TFAP2D: variants seen among roughly 807,000 people sequenced by gnomAD.
TFAP2D encodes the protein transcription factor AP-2 delta.
TFAP2D carries 9 observed loss-of-function variants against 43.6 expected under a neutral mutation model. The observed-to-expected ratio is 0.21, with a 90% CI of 0.12 to 0.36. TFAP2D has a LOEUF of 0.36. Ranked by LOEUF, TFAP2D falls within the 10% of genes least tolerant of loss-of-function variation. The pLI, the probability that TFAP2D is intolerant of heterozygous loss-of-function variation, is 1.00. For synonymous variants in TFAP2D, 256 were observed against 224.9 expected, an observed-to-expected ratio of 1.14 and a Z score of -1.24; for missense variants, 513 against 561.4, an observed-to-expected ratio of 0.91 and a Z score of 0.87.
chr6:50,764,914 G>A (rs938462508), intron 7 of TFAP2D, among the ~76,000 whole-genome samples: 5 of 152,138 alleles, frequency 3.3e-5, no homozygotes, highest in South Asian at 2.1e-4. Flanking sequence ...CATTTTGGGT[G>A]TGTGTGGTGA....
At chr6:50,772,365 A>G (rs970324154) in intron 7 of TFAP2D, among the ~76,000 whole-genome samples, 2 of 152,190 alleles carry the variant, frequency 1.3e-5, no homozygotes, top group African/African-American at 4.8e-5. Flanking sequence ...CGTTGTGCAC[A>G]TGTACCCTAG....
At chr6:50,726,197 A>T (rs1768804730) in intron 3 of TFAP2D, among the ~76,000 whole-genome samples, 1 of 152,186 alleles carries the variant, frequency 6.6e-6, no homozygotes, top group Non-Finnish European at 1.5e-5. Flanking sequence ...CTTTCAACAC[A>T]TAAGGTTCAC....
intron 3 of TFAP2D, among the ~76,000 whole-genome samples, chr6:50,727,936 C>T (rs550598122): frequency 7.8e-4 from 119 of 152,078 alleles, no homozygotes; most frequent in Non-Finnish European, 1.5e-3. Context: ...TTTGGATCGT[C>T]AAGTCCTCTT....
chr6:50,771,537 T>G (rs908424354), intron 7 of TFAP2D, among the ~76,000 whole-genome samples: 1 of 152,232 alleles, frequency 6.6e-6, no homozygotes, highest in Non-Finnish European at 1.5e-5. Flanking sequence ...TCATGTGTAG[T>G]CTATGCCATA....
At chr6:50,764,891 C>T (rs189478405) in intron 7 of TFAP2D, among the ~76,000 whole-genome samples, 4 of 152,252 alleles carry the variant, frequency 2.6e-5, no homozygotes, top group Admixed American at 2.0e-4. Flanking sequence ...ACATCCATCA[C>T]CTCACATAGT....
At chr6:50,727,257 AG>A (rs1392637162) in intron 3 of TFAP2D, among the ~76,000 whole-genome samples, 2 of 152,320 alleles carry the variant, frequency 1.3e-5, no homozygotes, top group East Asian at 1.9e-4. Flanking sequence ...CAGAAGGTAC[AG>A]GGGTAGAAAT....
chr6:50,739,139 G>A (rs1339058981), intron 5 of TFAP2D, among the ~76,000 whole-genome samples: 1 of 152,138 alleles, frequency 6.6e-6, no homozygotes, highest in African/African-American at 2.4e-5. Flanking sequence ...TGTTACATAT[G>A]TATACATGTG....
In TFAP2D at chr6:50,715,747, T is replaced by TCACACACACACA. The variant is rs1450229346; in HGVS notation, c.537+135_537+136insACACACACACAC. On this transcript the variant is annotated intron_variant, in intron 2 of 7. Transcript: ENST00000008391. The stretch of plus-strand genomic sequence containing the variant: ...CTCTCTCTCTCTCTCTCTCTCTCTC[T>TCACACACACACA]CTCACACACACACACACACACACAC... 8 of 498,280 alleles carry TCACACACACACA rather than the reference T, an allele frequency of 1.6e-5. No individual in the cohort carries two copies. In the African/African-American group the frequency reaches 1.7e-4, roughly 11 times the overall value. The allele number at this position is 498,280 out of a possible 1,614,324, so 30.9% of individuals were successfully genotyped here.
chr6:50,757,343 G>GAGAATATATGTAATTATTCTATATAT (rs1769287416), intron 7 of TFAP2D, among the ~76,000 whole-genome samples: 1 of 134,964 alleles, frequency 7.4e-6, no homozygotes, highest in Non-Finnish European at 1.5e-5. Flanking sequence ...TATCTATATA[G>GAGAATATATGTAATTATTCTATATAT]AGAATATATG....
chr6:50,727,234 T>C (rs1768820459), intron 3 of TFAP2D, among the ~76,000 whole-genome samples: 1 of 152,160 alleles, frequency 6.6e-6, no homozygotes, highest in Admixed American at 6.5e-5. Flanking sequence ...CAAAAGACAG[T>C]CAGGAAGAAT....
rs143439828 is a variant in TFAP2D at position 50,751,902 on chromosome 6, G to C, written c.1139+578G>C. On this transcript the variant is annotated intron_variant, in intron 7 of 7. Transcript: ENST00000008391. ...GGAAAATTTTATATCTTTATGCATTGTTAGGAAATCATTACTTTACAAAAA... is the reference window on the plus strand; with the variant it reads ...GGAAAATTTTATATCTTTATGCATTCTTAGGAAATCATTACTTTACAAAAA... 2.1e-3 allele frequency among the ~76,000 whole-genome samples: 325 copies of C among 151,982 alleles called. 2 individuals carry two copies. The highest frequency in any genetic ancestry group is 7.4e-3 in the African/African-American group (309 of 41,500).
At position 50,728,875 on chromosome 6, in the gene TFAP2D, C is replaced by T. The variant is rs1258747454; in HGVS notation, c.618C>T (p.Asn206=). The T allele has an allele frequency of 5.0e-6, 8 of 1,613,976 alleles. No homozygotes were observed. Reference sequence around the variant, plus strand: ...CCCAAGGTGGCACCTGTGTGGTCAACCCCACAGACTTATTTTGCTCTGTCC... The same window carrying T: ...CCCAAGGTGGCACCTGTGTGGTCAATCCCACAGACTTATTTTGCTCTGTCC... ...VIRRGGTCVV[N]PTDLFCSVPG... The change falls in exon 4 of 8, where the codon AAC becomes AAT. Residue 206 remains asparagine (N), a synonymous_variant. Coordinates refer to ENST00000008391, the MANE Select transcript of TFAP2D (RefSeq NM_172238.4).
intron 5 of TFAP2D, among the ~76,000 whole-genome samples, chr6:50,738,371 A>C (rs1768991358): frequency 6.6e-6 from 1 of 152,060 alleles, no homozygotes. Flanking sequence ...AGGTCTTTGC[A>C]TGCAGAACTT....
chr6:50,740,527 G>A (rs904197811), intron 5 of TFAP2D, among the ~76,000 whole-genome samples: 4 of 152,200 alleles, frequency 2.6e-5, no homozygotes, highest in Admixed American at 6.5e-5. Flanking sequence ...TCCGCCTCCC[G>A]AGTTCAAGCA....
At position 50,772,751 on chromosome 6, in the gene TFAP2D, A is replaced by C; in HGVS notation, c.1246A>C (p.Lys416Gln). 1 of 1,614,144 alleles carries C rather than the reference A, an allele frequency of 6.2e-7. No homozygotes were observed. Among genetic ancestry groups the C allele is most frequent in the Non-Finnish European group, 8.5e-7 (1 of 1,180,012 alleles). The change falls in exon 8 of 8, where the codon AAG becomes CAG. Residue 416 changes from lysine (K) to glutamine (Q), a missense_variant. Transcript: ENST00000008391. The stretch of plus-strand genomic sequence containing the variant: ...CTACTTGGAAAAACACACTACTCAC[A>C]AGAACGGCGGAGCGGCGGATTCTGG... Reference protein sequence around the residue: ...LNYLEKHTTHKNGGAADSGQG... With the variant: ...LNYLEKHTTHQNGGAADSGQG...
chr6:50,742,763 T>G (rs1235536452), intron 5 of TFAP2D, among the ~76,000 whole-genome samples: 1 of 152,280 alleles, frequency 6.6e-6, no homozygotes, highest in Non-Finnish European at 1.5e-5. Context: ...GGTATTATCC[T>G]GTTAGTTACA....
At chr6:50,768,291 G>A (rs1581780523) in intron 7 of TFAP2D, among the ~76,000 whole-genome samples, 3 of 97,352 alleles carry the variant, frequency 3.1e-5, no homozygotes, top group Admixed American at 1.1e-4. Context: ...TTTTTTTTTG[G>A]AGATTCTACA....
intron 3 of TFAP2D, among the ~76,000 whole-genome samples, chr6:50,722,830 G>A (rs1012577178): frequency 2.0e-5 from 3 of 152,036 alleles, no homozygotes; most frequent in East Asian, 3.9e-4. Flanking sequence ...GGCGGGGGAT[G>A]GGAGAGGAAA....
intron 5 of TFAP2D, among the ~76,000 whole-genome samples, chr6:50,741,427 T>C (rs1163684693): frequency 6.6e-6 from 1 of 152,108 alleles, no homozygotes; most frequent in Non-Finnish European, 1.5e-5. Context: ...TTTCCCGATC[T>C]CTCTCCTCCC....
Sources: gnomAD v4.1 joint callset for allele counts (sites outside exome capture counted in the v4.1 genomes callset) on GRCh38, gnomAD v4.1.1 for gene constraint, MANE v1.5 for transcripts, NCBI Gene and HGNC (gene_info 2026-07-23, HGNC 2026-07-21) for gene names.